Variants in RNFT2 observed in about 807,000 individuals in gnomAD.
RNFT2 encodes E3 ubiquitin-protein ligase RNFT2.
Under a neutral mutation model 53.0 loss-of-function variants are expected in RNFT2, and 36 were observed. The ratio of observed to expected loss-of-function variants is 0.68; its 90% CI spans 0.52 to 0.90. RNFT2 has a LOEUF of 0.90. Among genes scored for constraint, RNFT2 ranks in the 40% least tolerant of loss-of-function variants. RNFT2 has a pLI of 0.00. For synonymous variants in RNFT2, 260 were observed against 253.2 expected, an observed-to-expected ratio of 1.03 and a Z score of -0.26; for missense variants, 514 against 585.6, an observed-to-expected ratio of 0.88 and a Z score of 1.26.
chr12:116,811,002 G>A (rs1055094178), intron 7 of RNFT2, among the ~76,000 whole-genome samples: 1 of 152,228 alleles, frequency 6.6e-6, no homozygotes, highest in African/African-American at 2.4e-5. Flanking sequence ...CTGGAGTCAG[G>A]TGGATCTGAG....
intron 5 of RNFT2, among the ~76,000 whole-genome samples, chr12:116,759,548 G>T (rs1024584601): frequency 3.3e-5 from 5 of 152,136 alleles, no homozygotes; most frequent in African/African-American, 1.2e-4. Flanking sequence ...TGTCCCAGGG[G>T]GTTTTCCCTC....
At chr12:116,781,230 C>T (rs1873682930) in intron 7 of RNFT2, among the ~76,000 whole-genome samples, 1 of 152,118 alleles carries the variant, frequency 6.6e-6, no homozygotes, top group African/African-American at 2.4e-5. Context: ...CTTCCTCTGG[C>T]CCTTTCAGCT....
At position 116,750,047 on chromosome 12, in the gene RNFT2, A is replaced by G; in HGVS notation, c.290A>G (p.Glu97Gly). The stretch of plus-strand genomic sequence containing the variant: ...ATCCAGATGCCCGCGTCCAGGGAGG[A>G]AGGAGGGGGCCGGGGCGAGGGGGGC... ...VFIQMPASRE[E>G]GGGRGEGGAY... The change falls in exon 4 of 11, where the codon GAA (glutamate) becomes GGA (glycine). Residue 97 changes from glutamate (E) to glycine (G), a missense_variant. Coordinates refer to ENST00000257575, the MANE Select transcript of RNFT2 (RefSeq NM_001382266.1). 6.4e-7 allele frequency: 1 copy of G among 1,551,110 alleles called. No individual in the cohort carries two copies. Among genetic ancestry groups the G allele is most frequent in the Non-Finnish European group, 8.7e-7 (1 of 1,149,192 alleles).
At chr12:116,818,347 C>G (rs1010218902) in intron 7 of RNFT2, among the ~76,000 whole-genome samples, 1 of 149,076 alleles carries the variant, frequency 6.7e-6, no homozygotes, top group Non-Finnish European at 1.5e-5. Context: ...TCCGCTTTTT[C>G]GTCTGCAAAC....
chr12:116,756,959 CT>C (rs1350220033), intron 5 of RNFT2, among the ~76,000 whole-genome samples: 10 of 151,746 alleles, frequency 6.6e-5, no homozygotes, highest in Non-Finnish European at 1.2e-4. Flanking sequence ...TGGTCCTGAA[CT>C]TTTTTTTGTT....
chr12:116,795,549 A>C (rs1224514781), intron 7 of RNFT2, among the ~76,000 whole-genome samples: 1 of 152,180 alleles, frequency 6.6e-6, no homozygotes, highest in African/African-American at 2.4e-5. Flanking sequence ...TGAGTTCCTC[A>C]GTTGCACCAA....
At chr12:116,775,755 T>C (rs1873405881) in intron 6 of RNFT2, among the ~76,000 whole-genome samples, 1 of 152,228 alleles carries the variant, frequency 6.6e-6, no homozygotes, top group Non-Finnish European at 1.5e-5. Context: ...TTAAATATCA[T>C]AATTAGGCTG....
chr12:116,821,802 CTTTTTTTTTTT>C (rs149043452), intron 7 of RNFT2, among the ~76,000 whole-genome samples: 2 of 43,926 alleles, frequency 4.6e-5, no homozygotes, highest in Admixed American at 4.3e-4. Context: ...CTACTTGTTT[CTTTTTTTTTTT>C]TTTTTTTTTT....
chr12:116,837,369 T>G lies in RNFT2; in HGVS notation c.1200+1087T>G, dbSNP rs150103132. ...AGTGATAAGTGCCGTGTAAGAGAGA[T>G]TCATGCAGTGTCTCGGGGGACTGAG... is the stretch of plus-strand genomic sequence containing the variant. On this transcript the variant is annotated intron_variant, in intron 10 of 10. Coordinates refer to ENST00000257575, the MANE Select transcript of RNFT2 (RefSeq NM_001382266.1). Among the ~76,000 whole-genome samples, 170 of 152,010 alleles carry G rather than the reference T, an allele frequency of 1.1e-3. 5 individuals carry two copies. In the East Asian group the frequency reaches 0.021, roughly 19 times the overall value.
chr12:116,789,668 TAAATG>T (rs1874131408), intron 7 of RNFT2, among the ~76,000 whole-genome samples: 16 of 123,156 alleles, frequency 1.3e-4, no homozygotes, highest in African/African-American at 4.2e-4. Context: ...GATGGATGGA[TAAATG>T]GGAGGAGAGT....
chr12:116,800,843 TAAAATAAAATAAAATAAAAA>T (rs1874747385), intron 7 of RNFT2, among the ~76,000 whole-genome samples: 1 of 147,986 alleles, frequency 6.8e-6, no homozygotes, highest in Non-Finnish European at 1.5e-5. Context: ...TAAAATAAAA[TAAAATAAAATAAAATAAAAA>T]CCATTTAACA....
chr12:116,846,427 T>C (rs1007585388), intron 10 of RNFT2, among the ~76,000 whole-genome samples: 22 of 150,056 alleles, frequency 1.5e-4, no homozygotes, highest in African/African-American at 4.9e-4. Flanking sequence ...CATGCCACCA[T>C]GCCCAGCTAA....
intron 7 of RNFT2, among the ~76,000 whole-genome samples, chr12:116,832,592 G>A (rs140002109): frequency 6.6e-6 from 1 of 152,248 alleles, no homozygotes; most frequent in East Asian, 1.9e-4. Context: ...GAATTTCTGG[G>A]TCATAAAGTA....
intron 10 of RNFT2, among the ~76,000 whole-genome samples, chr12:116,846,932 T>C (rs1877649674): frequency 7.2e-6 from 1 of 139,354 alleles, no homozygotes; most frequent in Non-Finnish European, 1.5e-5. Flanking sequence ...TGAGATGGAA[T>C]CTAGCTCACT....
At position 116,750,284 on chromosome 12, in the gene RNFT2, A is replaced by G; in HGVS notation, c.527A>G (p.Lys176Arg). 6.2e-7 allele frequency: 1 copy of G among 1,604,136 alleles called. No homozygotes were observed. Among genetic ancestry groups the G allele is most frequent in the Admixed American group, 1.7e-5 (1 of 59,860 alleles). The change falls in exon 4 of 11, where the codon AAA (lysine) becomes AGA (arginine). Residue 176 changes from lysine to arginine, a missense_variant. Lys to Arg is a conservative substitution (Grantham distance 26). Transcript: ENST00000257575. ...GLPFILILLA[K>R]LCFQHKLGIA... is the part of the protein sequence containing the mutation. ...CCCTTCATCCTGATCCTCCTGGCCA[A>G]ACTGTGCTTTCAGCATAAGCTCGGT...
chr12:116,806,887 T>A (rs1243437641), intron 7 of RNFT2, among the ~76,000 whole-genome samples: 5 of 152,236 alleles, frequency 3.3e-5, no homozygotes, highest in Non-Finnish European at 7.3e-5. Context: ...TAACCTCTTA[T>A]TCTTTGAATG....
In RNFT2 at chr12:116,779,498, C is replaced by T. The variant is rs1281302448; in HGVS notation, c.882+150C>T. 3.7e-6 allele frequency: 3 copies of T among 816,266 alleles called. No homozygotes were observed. In the East Asian group the frequency reaches 8.1e-5, roughly 22 times the overall value. The allele number at this position is 816,266 out of a possible 1,614,324, so 50.6% of individuals were successfully genotyped here. A position where few individuals can be genotyped will look rare whatever the true frequency, so the allele number is the denominator to read the frequency against. On this transcript the variant is annotated intron_variant, in intron 7 of 10. Transcript: ENST00000257575. ...GCCTGAGCTCATAGCTCCTGTCACC[C>T]ACCTCTTCTAATTCCACAAAGCTGA...
chr12:116,788,703 T>TTGTA, intron 7 of RNFT2, among the ~76,000 whole-genome samples: 1 of 152,308 alleles, frequency 6.6e-6, no homozygotes, highest in East Asian at 1.9e-4. Flanking sequence ...GAAGTGTTCA[T>TTGTA]TGTATGTATG....
At chr12:116,815,763 C>T (rs559205021) in intron 7 of RNFT2, among the ~76,000 whole-genome samples, 5 of 152,206 alleles carry the variant, frequency 3.3e-5, no homozygotes, top group Admixed American at 1.3e-4. Flanking sequence ...ATCTTTGGGG[C>T]GGGGGCATTA....
Sources: gnomAD v4.1 joint callset for allele counts (sites outside exome capture counted in the v4.1 genomes callset) on GRCh38, gnomAD v4.1.1 for gene constraint, MANE v1.5 for transcripts, NCBI Gene and HGNC (gene_info 2026-07-23, HGNC 2026-07-21) for gene names.